The following TNRC6B variants were observed in gnomAD, a reference collection of about 807,000 sequenced individuals.
TNRC6B encodes trinucleotide repeat containing adaptor 6B.
TNRC6B carries 52 observed loss-of-function variants against 203.6 expected under a neutral mutation model. The ratio of observed to expected loss-of-function variants is 0.26; its 90% confidence interval spans 0.20 to 0.32. The LOEUF is 0.32. Ranked by LOEUF, TNRC6B falls within the 10% of genes least tolerant of loss-of-function variation. The pLI is 1.00. For missense variants in TNRC6B, 1,923 were observed against 2,286.2 expected, an observed-to-expected ratio of 0.84 and a Z score of 3.24; for synonymous variants, 838 against 845.7, an observed-to-expected ratio of 0.99 and a Z score of 0.16.
chr22:40,315,537 T>C, intron 20 of TNRC6B, 30 bp downstream of exon 20: 2 of 1,606,152 alleles, frequency 1.2e-6, no homozygotes, highest in Non-Finnish European at 1.7e-6. Context: ...AGGAACACCA[T>C]TGTTCATCCA....
At chr22:40,290,321 T>A (rs2070852858) in intron 12 of TNRC6B, among the ~76,000 whole-genome samples, 1 of 152,206 alleles carries the variant, frequency 6.6e-6, no homozygotes, top group South Asian at 2.1e-4. Context: ...CAGGAAGTTC[T>A]GCACAGCACT....
chr22:40,049,522 C>T (rs368150010), intron 1 of TNRC6B, among the ~76,000 whole-genome samples: 51 of 152,108 alleles, frequency 3.4e-4, no homozygotes, highest in African/African-American at 1.2e-3. Context: ...TTAACTGTCA[C>T]CTCTGTATAT....
chr22:40,171,696 CT>C (rs1394063969), intron 4 of TNRC6B, among the ~76,000 whole-genome samples: 1 of 152,102 alleles, frequency 6.6e-6, no homozygotes, highest in Non-Finnish European at 1.5e-5. Flanking sequence ...TCTTTTGTGA[CT>C]TTCCACTATT....
chr22:40,273,378 T>A, intron 6 of TNRC6B, 47 bp from the exon 7 acceptor site: 2 of 1,475,330 alleles, frequency 1.4e-6, no homozygotes, highest in Non-Finnish European at 1.8e-6. Flanking sequence ...TTCTGATGAT[T>A]GTTTTATATA....
intron 1 of TNRC6B, among the ~76,000 whole-genome samples, chr22:40,221,755 C>T (rs955849782): frequency 3.2e-5 from 4 of 123,442 alleles, no homozygotes; most frequent in African/African-American, 5.2e-5. Flanking sequence ...CTTATTGCCC[C>T]CCCCCCTTTT....
chr22:40,241,625 T>C (rs1345004029), intron 1 of TNRC6B, among the ~76,000 whole-genome samples: 3 of 152,248 alleles, frequency 2.0e-5, no homozygotes, highest in Non-Finnish European at 4.4e-5. Context: ...TCCTGTCATG[T>C]AACTCACAGT....
At chr22:40,132,697 A>G (rs1335602218) in intron 3 of TNRC6B, among the ~76,000 whole-genome samples, 1 of 149,590 alleles carries the variant, frequency 6.7e-6, no homozygotes, top group Non-Finnish European at 1.5e-5. Flanking sequence ...TAATCCCAGC[A>G]CTTAGGGAGG....
intron 3 of TNRC6B, among the ~76,000 whole-genome samples, chr22:40,255,977 T>G (rs2070271148): frequency 6.6e-6 from 1 of 152,160 alleles, no homozygotes; most frequent in Non-Finnish European, 1.5e-5. Context: ...CTCAGCCTCC[T>G]GAGTAGTTGG....
intron 1 of TNRC6B, among the ~76,000 whole-genome samples, chr22:40,223,203 C>T (rs1364457416): frequency 2.0e-5 from 3 of 151,880 alleles, no homozygotes; most frequent in Admixed American, 6.6e-5. Context: ...TGCAATGGCG[C>T]AATCTCGACT....
At position 40,225,451 on chromosome 22, in the gene TNRC6B, G is replaced by A. The variant is rs941569639; in HGVS notation, c.6-20564G>A. Among the ~76,000 whole-genome samples, 4 of 152,300 alleles carry A rather than the reference G, an allele frequency of 2.6e-5. No homozygotes were observed. The East Asian group carries it at 5.8e-4, about 22-fold the overall frequency. On this transcript the variant is annotated intron_variant, in intron 1 of 22. Transcript: ENST00000454349. ...CTCTCAGAAAAACATATTTGAGGCC[G>A]GGTGCAGTGGCTCACGCCAGTAATC... is the stretch of plus-strand genomic sequence containing the variant.
intron 1 of TNRC6B, among the ~76,000 whole-genome samples, chr22:40,098,647 A>T (rs1468245326): frequency 2.0e-5 from 3 of 152,132 alleles, no homozygotes; most frequent in Admixed American, 6.5e-5. Context: ...TCATGCTTTT[A>T]GGAATGTCTT....
At chr22:40,313,220 G>T (rs958381170) in intron 19 of TNRC6B, among the ~76,000 whole-genome samples, 2 of 152,194 alleles carry the variant, frequency 1.3e-5, no homozygotes, top group Non-Finnish European at 1.5e-5. Context: ...GGCCGGTAGT[G>T]ACATAACTGC....
chr22:40,295,519 C>T (rs1289128148), intron 12 of TNRC6B, among the ~76,000 whole-genome samples: 1 of 150,636 alleles, frequency 6.6e-6, no homozygotes, highest in Non-Finnish European at 1.5e-5. Context: ...GGCATGTAGT[C>T]TTGAGAATGT....
chr22:40,221,893 A>G (rs1334240076), intron 1 of TNRC6B, among the ~76,000 whole-genome samples: 1 of 152,044 alleles, frequency 6.6e-6, no homozygotes, highest in African/African-American at 2.4e-5. Context: ...TTGGTGAGCA[A>G]GGAGTCCATA....
chr22:40,064,274 T>C (rs2067877392), intron 1 of TNRC6B, among the ~76,000 whole-genome samples: 1 of 152,204 alleles, frequency 6.6e-6, no homozygotes, highest in Non-Finnish European at 1.5e-5. Context: ...CAGTACAATG[T>C]TGGCCAAAAG....
chr22:40,077,477 C>T (rs963924109), intron 1 of TNRC6B, among the ~76,000 whole-genome samples: 3 of 152,192 alleles, frequency 2.0e-5, no homozygotes, highest in African/African-American at 7.2e-5. Flanking sequence ...TCAATTCCCA[C>T]TGCTGACCTT....
intron 1 of TNRC6B, among the ~76,000 whole-genome samples, chr22:40,240,298 A>T (rs532042163): frequency 2.0e-5 from 3 of 152,188 alleles, no homozygotes; most frequent in Non-Finnish European, 4.4e-5. Flanking sequence ...TGGTGTTTGC[A>T]CTTGCTTTAT....
At chr22:40,057,045 A>G (rs997608626) in intron 1 of TNRC6B, among the ~76,000 whole-genome samples, 28 of 152,142 alleles carry the variant, frequency 1.8e-4, no homozygotes, top group African/African-American at 6.5e-4. Flanking sequence ...AAATGAGTTT[A>G]TGCTACTTTG....
chr22:40,220,733 C>G (rs972811745), intron 1 of TNRC6B, among the ~76,000 whole-genome samples: 1 of 152,104 alleles, frequency 6.6e-6, no homozygotes, highest in South Asian at 2.1e-4. Flanking sequence ...ATAGAAACCC[C>G]GAGTTGGCCA....
Sources: allele counts gnomAD v4.1 joint callset (sites outside exome capture counted in the v4.1 genomes callset), GRCh38; gene constraint gnomAD v4.1.1; transcripts MANE v1.5; gene names NCBI Gene and HGNC (gene_info 2026-07-23, HGNC 2026-07-21).